The following TLK2 variants were observed in gnomAD, a reference collection of about 807,000 sequenced individuals.
TLK2 encodes serine/threonine-protein kinase tousled-like 2.
Under a neutral mutation model 117.3 loss-of-function variants are expected in TLK2, and 6 were observed. That is an observed-to-expected ratio of 0.05 (90% confidence interval 0.03 to 0.10). The LOEUF (loss-of-function observed/expected upper bound fraction) is 0.10, where lower values mean the gene tolerates loss of function less well. Ranked by LOEUF, TLK2 falls within the 10% of genes least tolerant of loss-of-function variation. The pLI is 1.00. For synonymous variants in TLK2, 257 were observed against 316.7 expected (o/e 0.81, Z 2.00); for missense variants, 299 against 901.2 (o/e 0.33, Z 8.56).
At chr17:62,474,827 CTTTT>C (rs748987436), upstream of TLK2, among the ~76,000 whole-genome samples, 2 of 140,420 alleles carry the variant, frequency 1.4e-5, no homozygotes, top group South Asian at 2.3e-4. Context: ...CACCTGGCCT[CTTTT>C]TTTTTTTTTT....
chr17:62,578,876 A>T (rs2081009600), intron 14 of TLK2, among the ~76,000 whole-genome samples: 1 of 152,202 alleles, frequency 6.6e-6, no homozygotes, highest in African/African-American at 2.4e-5. Flanking sequence ...GATATGTTGC[A>T]TATTCAGATT....
intron 2 of TLK2, among the ~76,000 whole-genome samples, chr17:62,510,854 G>T (rs1202762065): frequency 6.6e-6 from 1 of 152,128 alleles, no homozygotes. Flanking sequence ...TGTTATGAGG[G>T]TTAAATGCCC....
chr17:62,471,886 G>GTTTTTTTT (rs1179717599), intron 1 of TLK2, among the ~76,000 whole-genome samples: 3 of 38,990 alleles, frequency 7.7e-5, no homozygotes, highest in African/African-American at 1.5e-4. Context: ...AGGTAGTATA[G>GTTTTTTTT]TCTTTTTTTT....
intron 2 of TLK2, among the ~76,000 whole-genome samples, chr17:62,499,138 C>T (rs529044780): frequency 1.3e-5 from 2 of 151,594 alleles, no homozygotes; most frequent in Non-Finnish European, 2.9e-5. Flanking sequence ...GTCAGGAATT[C>T]GAGACCAGCC....
chr17:62,493,243 C>T (rs577260871), intron 2 of TLK2, among the ~76,000 whole-genome samples: 16 of 152,294 alleles, frequency 1.1e-4, no homozygotes, highest in Non-Finnish European at 1.9e-4. Flanking sequence ...TTTTGACTGG[C>T]TTGTTTCACT....
Position 62,608,091 on chromosome 17 carries a change from T to C in TLK2, c.2022T>C (p.Ile674=). ...AAGACATCCTACAAGAGAATACGAT[T>C]CTTAAAGCTACTGAAGTGCAGTTCC... ...SQQDILQENT[I]LKATEVQFPP... The change falls in exon 21 of 22, where the codon ATT becomes ATC. Residue 674 remains isoleucine, a synonymous_variant. Transcript: ENST00000346027. The C allele has an allele frequency of 6.2e-7, 1 of 1,614,024 alleles. No individual in the cohort carries two copies. Among genetic ancestry groups the C allele is most frequent in the Non-Finnish European group, 8.5e-7 (1 of 1,180,010 alleles).
In TLK2 at chr17:62,614,708, T is replaced by A. The variant is rs2084009105; in HGVS notation, c.*2143T>A. 1 of 152,204 alleles carries A rather than the reference T, an allele frequency of 6.6e-6. No homozygotes were observed. The allele number at this position is 152,204 out of a possible 1,614,324, so 9.4% of individuals were successfully genotyped here. On this transcript the variant is annotated 3_prime_UTR_variant, in exon 22 of 22. Transcript: ENST00000346027. ...GCTTTCTAAAACTACTTTATTACAATTTATATGTATATACACATGCACATA... is the reference window on the plus strand; with the variant it reads ...GCTTTCTAAAACTACTTTATTACAAATTATATGTATATACACATGCACATA...
chr17:62,504,629 C>A (rs1422619579), intron 2 of TLK2, among the ~76,000 whole-genome samples: 1 of 151,908 alleles, frequency 6.6e-6, no homozygotes, highest in Admixed American at 6.6e-5. Context: ...CATAGTAGGA[C>A]CCCACCTCTA....
chr17:62,614,811 C>T lies in TLK2; in HGVS notation c.*2246C>T, dbSNP rs2084014869. ...TCCTCCAAGCTGCTAAGCAAAGGGT[C>T]TCACAGGTCGAGCACAGTGCTGAGA... On this transcript the variant is annotated 3_prime_UTR_variant, in exon 22 of 22. Transcript: ENST00000346027. 1.3e-5 allele frequency: 2 copies of T among 152,154 alleles called. No individual in the cohort carries two copies. The highest frequency in any genetic ancestry group is 2.9e-5 in the Non-Finnish European group (2 of 68,044). The allele number at this position is 152,154 out of a possible 1,614,324, so 9.4% of individuals were successfully genotyped here.
intron 19 of TLK2, among the ~76,000 whole-genome samples, chr17:62,603,907 A>G (rs1283230449): frequency 6.6e-6 from 1 of 152,190 alleles, no homozygotes; most frequent in Admixed American, 6.5e-5. Flanking sequence ...CCTGAAGGGT[A>G]TAACAAATTA....
upstream of TLK2, among the ~76,000 whole-genome samples, chr17:62,475,792 T>G (rs1322311632): frequency 6.7e-6 from 1 of 149,608 alleles, no homozygotes; most frequent in Non-Finnish European, 1.5e-5. Context: ...CCCGAGTAGC[T>G]GGGACTACAG....
chr17:62,578,914 A>C (rs73992025), intron 14 of TLK2, among the ~76,000 whole-genome samples: 9,962 of 152,210 alleles, frequency 0.065, 1,086 homozygotes, highest in African/African-American at 0.23. Flanking sequence ...GAAAGGGAAG[A>C]TGGGTCACAG....
At position 62,575,029 on chromosome 17, in the gene TLK2, G is replaced by A. The variant is rs142593767; in HGVS notation, c.1121+1662G>A. ...ATGACTCCTGTGTGTATTTTGTGAA[G>A]GGACTTTCCCTCTAGTATTATTTGA... On this transcript the variant is annotated intron_variant, in intron 12 of 21. Coordinates refer to ENST00000346027, the MANE Select transcript of TLK2 (RefSeq NM_006852.6). Among the ~76,000 whole-genome samples, 1,155 of 152,298 alleles carry A rather than the reference G, an allele frequency of 7.6e-3. 15 individuals carry two copies. The highest frequency in any genetic ancestry group is 0.027 in the African/African-American group (1,107 of 41,550).
chr17:62,535,596 G>A (rs1459286433), intron 6 of TLK2, among the ~76,000 whole-genome samples: 6 of 151,716 alleles, frequency 4.0e-5, no homozygotes, highest in South Asian at 4.2e-4. Flanking sequence ...GTGAAACCCC[G>A]TCTCTACTAA....
intron 7 of TLK2, among the ~76,000 whole-genome samples, chr17:62,545,873 TTTTGTTTGTTTG>T (rs71155937): frequency 6.0e-5 from 9 of 150,438 alleles, no homozygotes; most frequent in Non-Finnish European, 1.2e-4. Flanking sequence ...CCGGCTGATT[TTTTGTTTGTTTG>T]TTTGTTTGTT....
intron 10 of TLK2, among the ~76,000 whole-genome samples, chr17:62,561,395 A>T (rs1057171706): frequency 1.3e-5 from 2 of 152,200 alleles, no homozygotes; most frequent in Admixed American, 1.3e-4. Flanking sequence ...ATCCCTGAGG[A>T]ATTGCGGGGT....
At chr17:62,514,206 C>T (rs771126331) in intron 2 of TLK2, among the ~76,000 whole-genome samples, 9 of 150,968 alleles carry the variant, frequency 6.0e-5, no homozygotes, top group Non-Finnish European at 1.2e-4. Context: ...TGCAGTGGTG[C>T]GATCTCAGCT....
chr17:62,494,228 G>T (rs866672023), intron 2 of TLK2, among the ~76,000 whole-genome samples: 3 of 152,088 alleles, frequency 2.0e-5, no homozygotes, highest in African/African-American at 2.4e-5. Context: ...GACTACAGGC[G>T]TGTGCCGTCA....
In TLK2 at chr17:62,512,694, A is replaced by G. The variant is rs554017459; in HGVS notation, c.82-8079A>G. On this transcript the variant is annotated intron_variant, in intron 2 of 21. Coordinates refer to ENST00000346027, the MANE Select transcript of TLK2 (RefSeq NM_006852.6). The stretch of plus-strand genomic sequence containing the variant: ...TACTCTGTACTTTTGATGAGCTTCC[A>G]TTTATCAGTGTTTCCTTTTGTGGAT... 7.7e-3 allele frequency among the ~76,000 whole-genome samples: 1,162 copies of G among 151,648 alleles called. 4 individuals carry two copies. Among genetic ancestry groups the G allele is most frequent in the Middle Eastern group, 0.014 (4 of 294 alleles).
Sources: allele counts gnomAD v4.1 joint callset (sites outside exome capture counted in the v4.1 genomes callset), GRCh38; gene constraint gnomAD v4.1.1; transcripts MANE v1.5; gene names NCBI Gene and HGNC (gene_info 2026-07-23, HGNC 2026-07-21).